SNRPN: variants seen among roughly 807,000 people sequenced by gnomAD.
SNRPN encodes the protein small nuclear ribonucleoprotein-associated protein N.
SNRPN carries 7 observed loss-of-function variants against 25.2 expected under a neutral mutation model. That is an observed-to-expected ratio of 0.28 (90% confidence interval 0.16 to 0.52). SNRPN has a LOEUF of 0.52. Among genes scored for constraint, SNRPN ranks in the 20% least tolerant of loss-of-function variants. The pLI is 0.96. For synonymous variants in SNRPN, 124 were observed against 110.6 expected, an observed-to-expected ratio of 1.12 and a Z score of -0.76; for missense variants, 196 against 322.5, an observed-to-expected ratio of 0.61 and a Z score of 3.00.
intron 3 of SNRPN, among the ~76,000 whole-genome samples, chr15:24,938,429 T>C (rs1016233406): frequency 6.6e-6 from 1 of 151,052 alleles, no homozygotes; most frequent in Non-Finnish European, 1.5e-5. Context: ...TGCCTGGCCT[T>C]CTGCTTCTAA....
At chr15:24,886,353 C>T (rs1345313779) in intron 1 of SNRPN, among the ~76,000 whole-genome samples, 5 of 152,200 alleles carry the variant, frequency 3.3e-5, no homozygotes, top group Admixed American at 3.3e-4. Context: ...TAAATTGCCA[C>T]TTGCCCATGC....
At chr15:24,891,532 G>C (rs11630099) in intron 2 of SNRPN, among the ~76,000 whole-genome samples, 1 of 151,800 alleles carries the variant, frequency 6.6e-6, no homozygotes, top group African/African-American at 2.4e-5. Flanking sequence ...CTGCCTCCTG[G>C]GTTCAAGCGA....
At chr15:24,955,187 T>A in intron 1 of SNRPN, 125 bp downstream of exon 1, 3 of 1,306,796 alleles carry the variant, frequency 2.3e-6, no homozygotes, top group Non-Finnish European at 3.2e-6. Context: ...TAAAGTCCTT[T>A]GTTCTGGAGA....
rs10696281 is a variant in SNRPN, at chr15:24,833,104, C to CAAAAAAAAAA, written c.-579+3217_-579+3226dup. On this transcript the variant is annotated intron_variant, in intron 2 of 12. Transcript: ENST00000400100. ...TGGGCGACAGAGCGAGACTCTGTCT[C>CAAAAAAAAAA]AAAAAAAAAAAAAAAAAAAAAAAAA... Among the ~76,000 whole-genome samples, 13 of 61,776 alleles carry CAAAAAAAAAA rather than the reference C, an allele frequency of 2.1e-4. 1 individual carries two copies. The highest frequency in any genetic ancestry group is 8.5e-4 in the African/African-American group (13 of 15,330). 40.5% of individuals were successfully genotyped at this position (61,776 alleles called of 152,430 possible).
At chr15:24,825,474 A>G (rs1444802110) in intron 1 of SNRPN, among the ~76,000 whole-genome samples, 1 of 152,112 alleles carries the variant, frequency 6.6e-6, no homozygotes, top group African/African-American at 2.4e-5. Context: ...GTTCTGATAA[A>G]TGGAAAGCTC....
At chr15:24,958,486 GTTT>G (rs71127030) in intron 1 of SNRPN, among the ~76,000 whole-genome samples, 71 of 65,290 alleles carry the variant, frequency 1.1e-3, no homozygotes, top group African/African-American at 2.4e-3. Context: ...CTGGCTCAAA[GTTT>G]TTTTTTTTTT....
intron 2 of SNRPN, among the ~76,000 whole-genome samples, chr15:24,914,527 G>C (rs1008002577): frequency 6.6e-6 from 1 of 151,988 alleles, no homozygotes; most frequent in East Asian, 1.9e-4. Context: ...GCGGGATAGT[G>C]AGATCCTCTC....
chr15:24,945,175 G>A (rs769385259), intron 3 of SNRPN, among the ~76,000 whole-genome samples: 12 of 152,024 alleles, frequency 7.9e-5, no homozygotes, highest in Non-Finnish European at 1.3e-4. Flanking sequence ...CAACTGTGTG[G>A]TTGTAGTCAT....
At chr15:24,945,340 A>C in intron 3 of SNRPN, among the ~76,000 whole-genome samples, 1 of 91,682 alleles carries the variant, frequency 1.1e-5, no homozygotes. Flanking sequence ...CCCACCCACC[A>C]TGTAAAAAAA....
At chr15:24,966,810 C>A (rs2075707720) in intron 2 of SNRPN, among the ~76,000 whole-genome samples, 1 of 152,108 alleles carries the variant, frequency 6.6e-6, no homozygotes, top group African/African-American at 2.4e-5. Flanking sequence ...TCCTTACATG[C>A]CAACAAGGGC....
At chr15:24,825,067 T>TG (rs1437781848) in intron 1 of SNRPN, among the ~76,000 whole-genome samples, 1 of 152,154 alleles carries the variant, frequency 6.6e-6, no homozygotes, top group East Asian at 1.9e-4. Context: ...ACATGAGATG[T>TG]GAAAAAGCAA....
chr15:24,896,897 A>G (rs2151116249), intron 2 of SNRPN, among the ~76,000 whole-genome samples: 1 of 152,276 alleles, frequency 6.6e-6, no homozygotes, highest in Non-Finnish European at 1.5e-5. Flanking sequence ...CACGCCTGTA[A>G]TCCCATCACT....
intron 1 of SNRPN, among the ~76,000 whole-genome samples, chr15:24,875,750 C>T (rs1324211401): frequency 6.6e-6 from 1 of 152,120 alleles, no homozygotes; most frequent in African/African-American, 2.4e-5. Context: ...AAAACACTGT[C>T]TCTACAGAAA....
At position 24,825,973 on chromosome 15, in the gene SNRPN, G is replaced by A. The variant is rs547867846; in HGVS notation, c.-687+2123G>A. 2.0e-5 allele frequency among the ~76,000 whole-genome samples: 3 copies of A among 152,116 alleles called. No homozygotes were observed. In the South Asian group the frequency reaches 6.2e-4, roughly 32 times the overall value. ...TTCAGGTTTGGGTCAAGGGGGAGGG[G>A]TTCAACCTACTTATACATATTTCCT... On this transcript the variant is annotated intron_variant, in intron 1 of 12. Coordinates refer to the SNRPN transcript ENST00000400100.
chr15:24,843,788 A>AACACACACACACAC (rs56693061), intron 2 of SNRPN, among the ~76,000 whole-genome samples: 9,977 of 139,706 alleles, frequency 0.071, 406 homozygotes, highest in East Asian at 0.1. Context: ...CTCCATCACA[A>AACACACACACACAC]ACACACACAC....
rs58408566 is a variant in SNRPN, at chr15:24,948,973, C to T, written c.-390-13141C>T. Among the ~76,000 whole-genome samples, 360 of 144,780 alleles carry T rather than the reference C, an allele frequency of 2.5e-3. 1 individual carries two copies. The highest frequency in any genetic ancestry group is 8.8e-3 in the African/African-American group (346 of 39,316). 95.0% of individuals were successfully genotyped at this position (144,780 alleles called of 152,430 possible). On this transcript the variant is annotated intron_variant, in intron 3 of 11. Transcript: ENST00000400097. ...CACTCCTCTCCCATCCCCTGAAAAT[C>T]ACTAATCTGCTTTCTGTCTATATGG... is the stretch of plus-strand genomic sequence containing the variant.
intron 2 of SNRPN, among the ~76,000 whole-genome samples, chr15:24,838,196 A>C (rs1475872673): frequency 6.6e-6 from 1 of 151,266 alleles, no homozygotes; most frequent in East Asian, 1.9e-4. Flanking sequence ...CACCACGCCC[A>C]GGTAAAATTT....
intron 2 of SNRPN, among the ~76,000 whole-genome samples, chr15:24,894,772 C>G (rs954513879): frequency 6.6e-6 from 1 of 152,266 alleles, no homozygotes; most frequent in East Asian, 1.9e-4. Context: ...AAATTCTCAC[C>G]TTGCACAGGC....
intron 3 of SNRPN, among the ~76,000 whole-genome samples, chr15:24,948,357 C>A (rs556950834): frequency 2.0e-5 from 3 of 152,118 alleles, no homozygotes; most frequent in Admixed American, 1.3e-4. Context: ...CGTGATCTGC[C>A]CGCCTCGGCT....
Sources: gnomAD v4.1 joint callset for allele counts (sites outside exome capture counted in the v4.1 genomes callset) on GRCh38, gnomAD v4.1.1 for gene constraint, MANE v1.5 for transcripts, NCBI Gene and HGNC (gene_info 2026-07-23, HGNC 2026-07-21) for gene names.